Variants in VIRMA observed in about 807,000 individuals in gnomAD.
VIRMA encodes the protein vir like m6A methyltransferase associated.
VIRMA carries 65 observed loss-of-function variants against 182.4 expected under a neutral mutation model. The observed-to-expected ratio is 0.36, with a 90% CI of 0.29 to 0.44. The LOEUF is 0.44. Ranked by LOEUF, VIRMA falls within the 20% of genes least tolerant of loss-of-function variation. The probability of loss-of-function intolerance (pLI) is 1.00; values close to 1 mark genes in which losing one functional copy is unlikely to be tolerated. For missense variants in VIRMA, 1,752 were observed against 2,158.1 expected, an observed-to-expected ratio of 0.81 and a Z score of 3.73; for synonymous variants, 709 against 743.1, an observed-to-expected ratio of 0.95 and a Z score of 0.75.
chr8:94,514,226 T>G (rs1814478032), intron 11 of VIRMA, among the ~76,000 whole-genome samples: 1 of 152,226 alleles, frequency 6.6e-6, no homozygotes, highest in Non-Finnish European at 1.5e-5. Context: ...TGTATATGAG[T>G]GCTTCTAACC....
chr8:94,546,639 T>C (rs929530241), intron 1 of VIRMA, among the ~76,000 whole-genome samples: 2 of 151,068 alleles, frequency 1.3e-5, no homozygotes, highest in Non-Finnish European at 2.9e-5. Context: ...CGGTGATTTC[T>C]GAGATTTTAG....
chr8:94,546,969 A>C (rs1302750350), intron 1 of VIRMA: 2 of 455,414 alleles, frequency 4.4e-6, no homozygotes, highest in South Asian at 3.1e-5. Context: ...GCCCTCACTC[A>C]TGATGTTCTC....
rs539978072 is a variant in VIRMA at position 94,552,257 on chromosome 8, G to T, written c.63+1128C>A. Among the ~76,000 whole-genome samples the T allele has an allele frequency of 2.6e-5, 4 of 152,290 alleles. No individual in the cohort carries two copies. The South Asian group carries it at 8.3e-4, about 32-fold the overall frequency. ...AACCTATAAACCATTCGTTAAATTA[G>T]ATCACAGCTGTCAACTTTTTATTTT... On this transcript the variant is annotated intron_variant, in intron 1 of 23. Transcript: ENST00000297591.
At chr8:94,528,128 G>A (rs1271918336) in intron 7 of VIRMA, among the ~76,000 whole-genome samples, 1 of 150,560 alleles carries the variant, frequency 6.6e-6, no homozygotes, top group East Asian at 2.0e-4. Flanking sequence ...CAGCTACTCA[G>A]ATGGCTGAGG....
At chr8:94,499,353 C>T in intron 17 of VIRMA, 21 bp downstream of exon 17, 1 of 1,504,026 alleles carries the variant, frequency 6.6e-7, no homozygotes, top group East Asian at 2.4e-5. Context: ...TATACACAAA[C>T]ACAAACACAC....
At chr8:94,521,164 C>T (rs780016924) in intron 8 of VIRMA, among the ~76,000 whole-genome samples, 1 of 151,954 alleles carries the variant, frequency 6.6e-6, no homozygotes, top group African/African-American at 2.4e-5. Context: ...AGGTATGAAG[C>T]CCACATGTAT....
In VIRMA at chr8:94,517,800, C is replaced by T. The variant is rs773841254; in HGVS notation, c.2656G>A (p.Ala886Thr). ...TTAAGTACCATACCTTGCAATTTAG[C>T]ATTATTTTCATCTGCTTTACAAAGC... ...LKLCKADENN[A>T]KLQELGKWLE... The change falls in exon 10 of 24, where the codon GCT (alanine) becomes ACT (threonine). Residue 886 changes from alanine to threonine, a missense_variant. Physicochemically the swap from Ala to Thr is moderately conservative, Grantham distance 58 (BLOSUM62 0). This residue lies in a region of VIRMA where 777 missense variants were observed against 920.6 expected (regional missense o/e 0.84). Coordinates refer to ENST00000297591, the MANE Select transcript of VIRMA (RefSeq NM_015496.5). The T allele has an allele frequency of 1.9e-6, 3 of 1,602,592 alleles. No individual in the cohort carries two copies. Among genetic ancestry groups the T allele is most frequent in the Middle Eastern group, 1.7e-4 (1 of 6,032 alleles).
intron 11 of VIRMA, chr8:94,512,294 T>C (rs1286663018): frequency 3.8e-6 from 1 of 261,554 alleles, no homozygotes; most frequent in East Asian, 6.8e-5. Context: ...GCATATGTTG[T>C]ACTATATACA....
intron 9 of VIRMA, among the ~76,000 whole-genome samples, chr8:94,518,741 G>A (rs1023767): frequency 0.27 from 40,710 of 152,064 alleles, 5,979 homozygotes; most frequent in East Asian, 0.5. Flanking sequence ...GGGTACTACA[G>A]TTGCAATCTT....
At chr8:94,505,640 G>A (rs2130291514) in intron 16 of VIRMA, among the ~76,000 whole-genome samples, 1 of 152,078 alleles carries the variant, frequency 6.6e-6, no homozygotes, top group Non-Finnish European at 1.5e-5. Flanking sequence ...GTGCCATCAT[G>A]CCCAACTAAT....
chr8:94,550,015 T>C (rs181932383), intron 1 of VIRMA, among the ~76,000 whole-genome samples: 3 of 151,904 alleles, frequency 2.0e-5, no homozygotes, highest in African/African-American at 7.2e-5. Flanking sequence ...AAGGATCGAT[T>C]GAGCCCTGGT....
chr8:94,526,093 C>A (rs1385610855), intron 8 of VIRMA, 130 bp downstream of exon 8: 3 of 687,026 alleles, frequency 4.4e-6, no homozygotes, highest in Middle Eastern at 3.0e-4. Flanking sequence ...ACTAAATAAC[C>A]GTTTTGAAAT....
In VIRMA at chr8:94,510,649, T is replaced by A; in HGVS notation, c.3394A>T (p.Ile1132Phe). Reference sequence around the variant, plus strand: ...GCCACTGATATATCATGTGGCTCAATAACCTGTTAAAAAAGTATAATGTGT... The same window carrying A: ...GCCACTGATATATCATGTGGCTCAAAAACCTGTTAAAAAAGTATAATGTGT... ...LPLPMQTTQVIEPHDISVALN... is the reference protein window; with the variant it reads ...LPLPMQTTQVFEPHDISVALN... The change falls in exon 14 of 24, where the codon ATT becomes TTT. Residue 1132 changes from isoleucine (I) to phenylalanine (F), a missense_variant. By Grantham distance (21) the Ile-to-Phe change is conservative. This residue lies in a region of VIRMA where 777 missense variants were observed against 920.6 expected (regional missense o/e 0.84). Transcript: ENST00000297591. The A allele has an allele frequency of 6.2e-7, 1 of 1,607,510 alleles. No individual in the cohort carries two copies. Among genetic ancestry groups the A allele is most frequent in the Non-Finnish European group, 8.5e-7 (1 of 1,174,074 alleles).
At chr8:94,505,516 C>T (rs374052950) in intron 16 of VIRMA, among the ~76,000 whole-genome samples, 6 of 151,998 alleles carry the variant, frequency 3.9e-5, no homozygotes, top group Admixed American at 6.6e-5. Flanking sequence ...TCTGTTGCCC[C>T]GACTAGACTG....
chr8:94,527,403 CT>C (rs778417896), intron 7 of VIRMA, 40 bp from the exon 8 acceptor site: 5 of 1,193,514 alleles, frequency 4.2e-6, no homozygotes, highest in Non-Finnish European at 5.8e-6. Flanking sequence ...ATTACATCAT[CT>C]TTGTCTAATA....
intron 1 of VIRMA, among the ~76,000 whole-genome samples, chr8:94,545,623 G>A (rs1328156433): frequency 6.6e-6 from 1 of 152,196 alleles, no homozygotes; most frequent in African/African-American, 2.4e-5. Flanking sequence ...TGGTAGACAA[G>A]TAGATAAATT....
chr8:94,503,892 G>A (rs1188903703), intron 16 of VIRMA, among the ~76,000 whole-genome samples: 2 of 151,998 alleles, frequency 1.3e-5, no homozygotes, highest in African/African-American at 4.8e-5. Flanking sequence ...AAAAAAACAG[G>A]TTGGGCACAG....
chr8:94,490,332 C>T (rs1227676018), intron 22 of VIRMA, among the ~76,000 whole-genome samples: 1 of 152,188 alleles, frequency 6.6e-6, no homozygotes, highest in Non-Finnish European at 1.5e-5. Context: ...ATTTTCTCTT[C>T]TGCAAATTGG....
chr8:94,547,777 T>C (rs1182655154), intron 1 of VIRMA, among the ~76,000 whole-genome samples: 1 of 150,022 alleles, frequency 6.7e-6, no homozygotes, highest in Non-Finnish European at 1.5e-5. Context: ...ATAGCATTAA[T>C]ATCGTAGCAC....
Sources: gnomAD v4.1 joint callset for allele counts (sites outside exome capture counted in the v4.1 genomes callset) on GRCh38, gnomAD v4.1.1 for gene constraint, gnomAD v4.1.1 regional missense constraint, MANE v1.5 for transcripts, NCBI Gene and HGNC (gene_info 2026-07-23, HGNC 2026-07-21) for gene names.